The following GRIK2 variants were observed in gnomAD, a reference collection of about 807,000 sequenced individuals.
GRIK2 encodes glutamate receptor ionotropic, kainate 2.
Under a neutral mutation model 100.3 loss-of-function variants are expected in GRIK2, and 32 were observed. The ratio of observed to expected loss-of-function variants is 0.32; its 90% CI spans 0.24 to 0.43. The LOEUF is 0.43. GRIK2 is among the 20% of genes least tolerant of loss of function. The pLI is 1.00. For synonymous variants in GRIK2, 417 were observed against 389.4 expected (o/e 1.07, Z -0.83); for missense variants, 843 against 1,114.9 (o/e 0.76, Z 3.47).
intron 2 of GRIK2, among the ~76,000 whole-genome samples, chr6:101,448,199 G>T (rs1477133176): frequency 2.6e-5 from 4 of 151,512 alleles, no homozygotes; most frequent in African/African-American, 9.7e-5. Context: ...CAAGAGTTTG[G>T]ACAGTGATAT....
intron 4 of GRIK2, among the ~76,000 whole-genome samples, chr6:101,665,201 A>C (rs138322585): frequency 6.6e-6 from 1 of 152,286 alleles, no homozygotes; most frequent in Non-Finnish European, 1.5e-5. Context: ...CCTCAATCAT[A>C]TGATGGGAGT....
intron 7 of GRIK2, among the ~76,000 whole-genome samples, chr6:101,792,502 A>G: frequency 6.6e-6 from 1 of 151,412 alleles, no homozygotes; most frequent in African/African-American, 2.4e-5. Flanking sequence ...TCTGGGTTGA[A>G]AATTCTTTTC....
At chr6:101,737,528 A>G (rs1775721936) in intron 7 of GRIK2, among the ~76,000 whole-genome samples, 1 of 151,920 alleles carries the variant, frequency 6.6e-6, no homozygotes. Flanking sequence ...TATGAGACCT[A>G]TTCACTATCA....
intron 12 of GRIK2, 23 bp from the exon 13 acceptor site, chr6:101,924,578 C>A (rs368718306): frequency 6.6e-6 from 8 of 1,218,138 alleles, no homozygotes; most frequent in Non-Finnish European, 9.7e-6. Context: ...TAAATGTATT[C>A]TTTTTTCTGT....
At chr6:101,538,953 GTTATTA>G (rs1251021139) in intron 2 of GRIK2, among the ~76,000 whole-genome samples, 1 of 151,394 alleles carries the variant, frequency 6.6e-6, no homozygotes, top group East Asian at 1.9e-4. Context: ...TGATAAATGT[GTTATTA>G]TTATAATTTG....
intron 7 of GRIK2, among the ~76,000 whole-genome samples, chr6:101,756,668 C>A (rs1047392804): frequency 6.6e-6 from 1 of 152,000 alleles, no homozygotes; most frequent in Non-Finnish European, 1.5e-5. Context: ...AACATTCAAG[C>A]GCTCTCTGAA....
At chr6:101,566,318 AC>A (rs1777274658) in intron 2 of GRIK2, among the ~76,000 whole-genome samples, 1 of 152,010 alleles carries the variant, frequency 6.6e-6, no homozygotes, top group South Asian at 2.1e-4. Context: ...GCAGAATGTG[AC>A]TAGATTAAAC....
chr6:101,794,260 G>A (rs966143973), intron 7 of GRIK2, among the ~76,000 whole-genome samples: 22 of 151,990 alleles, frequency 1.4e-4, no homozygotes, highest in South Asian at 4.2e-4. Flanking sequence ...AGATGAACCC[G>A]GTACCTCAGA....
intron 2 of GRIK2, among the ~76,000 whole-genome samples, chr6:101,470,789 C>T (rs1012682580): frequency 6.6e-6 from 1 of 152,078 alleles, no homozygotes; most frequent in Admixed American, 6.6e-5. Context: ...TGCTAGAAAT[C>T]ATCAATGCAA....
intron 14 of GRIK2, among the ~76,000 whole-genome samples, chr6:102,034,332 C>T (rs563416824): frequency 1.3e-4 from 19 of 151,402 alleles, no homozygotes; most frequent in African/African-American, 4.6e-4. Flanking sequence ...TATTTCCTTG[C>T]ACATGTAGAA....
intron 12 of GRIK2, among the ~76,000 whole-genome samples, chr6:101,900,907 T>G (rs1273256002): frequency 1.7e-5 from 2 of 120,548 alleles, no homozygotes; most frequent in Admixed American, 8.2e-5. Context: ...AGTGTCCTTG[T>G]TTTTTTTTTT....
intron 7 of GRIK2, among the ~76,000 whole-genome samples, chr6:101,704,694 A>G (rs1003313738): frequency 6.6e-6 from 1 of 151,402 alleles, no homozygotes; most frequent in African/African-American, 2.4e-5. Context: ...AAAAAAACCC[A>G]TGTAACAGAA....
At chr6:101,779,943 A>C (rs1359026819) in intron 7 of GRIK2, among the ~76,000 whole-genome samples, 1 of 152,058 alleles carries the variant, frequency 6.6e-6, no homozygotes, top group Non-Finnish European at 1.5e-5. Flanking sequence ...TTCATTATTG[A>C]TTTACTCCCA....
chr6:101,762,612 G>T (rs1777800198), intron 7 of GRIK2, among the ~76,000 whole-genome samples: 1 of 152,056 alleles, frequency 6.6e-6, no homozygotes, highest in African/African-American at 2.4e-5. Context: ...CTCTTAATTT[G>T]CCTTTGAATC....
At chr6:101,595,620 G>C (rs750174105) in intron 2 of GRIK2, among the ~76,000 whole-genome samples, 1 of 150,240 alleles carries the variant, frequency 6.7e-6, no homozygotes, top group Non-Finnish European at 1.5e-5. Context: ...ACACACACAT[G>C]TGTATGCATA....
chr6:101,708,442 T>G (rs1582999850), intron 7 of GRIK2, among the ~76,000 whole-genome samples: 1 of 151,780 alleles, frequency 6.6e-6, no homozygotes. Flanking sequence ...ATACTTCTGT[T>G]AGTGGTTTGA....
At chr6:101,401,793 G>T (rs552564198) in intron 2 of GRIK2, among the ~76,000 whole-genome samples, 32 of 152,326 alleles carry the variant, frequency 2.1e-4, no homozygotes, top group African/African-American at 7.7e-4. Context: ...AGTCCAGCCA[G>T]TGCCTCATGC....
chr6:101,909,157 A>G (rs1387647287), intron 12 of GRIK2, among the ~76,000 whole-genome samples: 2 of 151,254 alleles, frequency 1.3e-5, no homozygotes, highest in Admixed American at 1.3e-4. Flanking sequence ...AATAAAAATA[A>G]TTGACCTCAT....
rs147702643 is a variant in GRIK2 at position 101,461,582 on chromosome 6, G to T, written c.115+62190G>T. Among the ~76,000 whole-genome samples the T allele has an allele frequency of 3.7e-3, 571 of 152,314 alleles. 11 individuals carry two copies. The highest frequency in any genetic ancestry group is 9.0e-4 in the Non-Finnish European group (61 of 68,024). Reference sequence around the variant, plus strand: ...AGGATTCATTTGATTAGATGGAACTGTCCAGATAATCCATGATGGTTTCCA... The same window carrying T: ...AGGATTCATTTGATTAGATGGAACTTTCCAGATAATCCATGATGGTTTCCA... On this transcript the variant is annotated intron_variant, in intron 2 of 16. Coordinates refer to ENST00000369134, the MANE Select transcript of GRIK2 (RefSeq NM_021956.5).
Sources: allele counts gnomAD v4.1 joint callset (sites outside exome capture counted in the v4.1 genomes callset), GRCh38; gene constraint gnomAD v4.1.1; transcripts MANE v1.5; gene names NCBI Gene and HGNC (gene_info 2026-07-23, HGNC 2026-07-21).